CDK5RAP2: variants seen among roughly 807,000 people sequenced by gnomAD.
CDK5RAP2 encodes CDK5 regulatory subunit associated protein 2.
In CDK5RAP2, 147 loss-of-function variants were observed where a neutral mutation model predicts 232.9. The observed-to-expected ratio is 0.63, with a 90% CI of 0.55 to 0.72. The LOEUF is 0.72. Among genes scored for constraint, CDK5RAP2 ranks in the 30% least tolerant of loss-of-function variants. The probability of loss-of-function intolerance (pLI) is 0.00; values close to 1 mark genes in which losing one functional copy is unlikely to be tolerated. For synonymous variants in CDK5RAP2, 833 were observed against 833.7 expected, an observed-to-expected ratio of 1.00 and a Z score of 0.01; for missense variants, 2,195 against 2,231.5, an observed-to-expected ratio of 0.98 and a Z score of 0.33.
At chr9:120,529,515 T>C (rs2041052522) in intron 8 of CDK5RAP2, among the ~76,000 whole-genome samples, 1 of 152,152 alleles carries the variant, frequency 6.6e-6, no homozygotes, top group Admixed American at 6.5e-5. Context: ...GCTGGGAGGA[T>C]TGAACGAGAT....
At position 120,466,744 on chromosome 9, in the gene CDK5RAP2, AT is replaced by A. The variant is rs541029378; in HGVS notation, c.2106+1115del. Among the ~76,000 whole-genome samples the A allele has an allele frequency of 3.3e-5, 5 of 152,322 alleles. No individual in the cohort carries two copies. The South Asian group carries it at 1.0e-3, about 32-fold the overall frequency. On this transcript the variant is annotated intron_variant, in intron 18 of 37. Transcript: ENST00000349780. Reference sequence around the variant, plus strand: ...ATGTTCCCTCTCACAAAGAAAGAAGATGGCCAGAGTGCAGCATAAATACCTT... The same window carrying A: ...ATGTTCCCTCTCACAAAGAAAGAAGAGGCCAGAGTGCAGCATAAATACCTT...
intron 12 of CDK5RAP2, among the ~76,000 whole-genome samples, chr9:120,493,714 C>T (rs1274549386): frequency 1.3e-5 from 2 of 152,074 alleles, no homozygotes; most frequent in African/African-American, 4.8e-5. Context: ...CAGCAAAATC[C>T]ATAATGTGAA....
intron 37 of CDK5RAP2, among the ~76,000 whole-genome samples, 163 bp downstream of exon 37, chr9:120,389,578 A>G (rs1407177418): frequency 6.6e-6 from 1 of 152,230 alleles, no homozygotes; most frequent in Non-Finnish European, 1.5e-5. Context: ...GCGACAGGGC[A>G]TGATAAAACA....
intron 9 of CDK5RAP2, 53 bp downstream of exon 9, chr9:120,528,690 GA>G: frequency 8.9e-7 from 1 of 1,117,424 alleles, no homozygotes; most frequent in Non-Finnish European, 1.4e-6. Context: ...AATAAAACAA[GA>G]GGCAAGAATA....
chr9:120,472,234 T>A (rs974835504), intron 15 of CDK5RAP2, among the ~76,000 whole-genome samples: 2 of 152,234 alleles, frequency 1.3e-5, no homozygotes, highest in Admixed American at 6.5e-5. Flanking sequence ...GACTATATAA[T>A]ATTAAACCAG....
intron 20 of CDK5RAP2, 66 bp from the exon 21 acceptor site, chr9:120,453,939 G>C (rs963797287): frequency 6.7e-7 from 1 of 1,498,190 alleles, no homozygotes; most frequent in Non-Finnish European, 9.3e-7. Flanking sequence ...CCCCTAGCCA[G>C]TATCCCAAGT....
intron 3 of CDK5RAP2, among the ~76,000 whole-genome samples, chr9:120,554,688 C>T (rs1049928249): frequency 2.6e-5 from 4 of 152,162 alleles, no homozygotes; most frequent in African/African-American, 9.7e-5. Flanking sequence ...GGCTGGAGTG[C>T]AATGGCGTAA....
At chr9:120,415,626 TTAAA>T (rs1229359196) in intron 27 of CDK5RAP2, among the ~76,000 whole-genome samples, 2 of 152,200 alleles carry the variant, frequency 1.3e-5, no homozygotes, top group Non-Finnish European at 2.9e-5. Flanking sequence ...AATTTAAGAC[TTAAA>T]TAAAGCAAAA....
At chr9:120,575,218 A>T (rs2042989914) in intron 1 of CDK5RAP2, among the ~76,000 whole-genome samples, 1 of 151,804 alleles carries the variant, frequency 6.6e-6, no homozygotes, top group Non-Finnish European at 1.5e-5. Flanking sequence ...CGCCCGGCTA[A>T]TTTTTTGTAC....
chr9:120,546,300 C>G (rs1199924378), intron 4 of CDK5RAP2, among the ~76,000 whole-genome samples: 1 of 152,172 alleles, frequency 6.6e-6, no homozygotes, highest in African/African-American at 2.4e-5. Context: ...TATAAGATTT[C>G]AGGGTTCTCA....
intron 11 of CDK5RAP2, among the ~76,000 whole-genome samples, chr9:120,521,266 T>C (rs114248666): frequency 1.1e-3 from 173 of 152,300 alleles, no homozygotes; most frequent in African/African-American, 4.0e-3. Flanking sequence ...ATTTAAACCT[T>C]GGGTGATTAT....
chr9:120,545,387 T>C (rs1446969955), intron 5 of CDK5RAP2, among the ~76,000 whole-genome samples: 3 of 152,226 alleles, frequency 2.0e-5, no homozygotes, highest in Non-Finnish European at 4.4e-5. Flanking sequence ...ATGGTAGTTA[T>C]CTTTAGGGGA....
At position 120,440,187 on chromosome 9, in the gene CDK5RAP2, C is replaced by T. The variant is rs2035818342; in HGVS notation, c.3149-215G>A. On this transcript the variant is annotated intron_variant, in intron 23 of 37. Coordinates refer to ENST00000349780, the MANE Select transcript of CDK5RAP2 (RefSeq NM_018249.6). ...AGCCCTAGTCTTTCCCTCTTTACCC[C>T]TCAGTTGTCCTCTTCCTCAGAGTGA... The T allele has an allele frequency of 1.5e-5, 9 of 590,660 alleles. No homozygotes were observed. In the South Asian group the frequency reaches 1.6e-4, roughly 11 times the overall value. The allele number at this position is 590,660 out of a possible 1,614,324, so 36.6% of individuals were successfully genotyped here.
Position 120,491,346 on chromosome 9 carries a change from A to G in CDK5RAP2, c.1443T>C (p.His481=). 1 of 1,613,660 alleles carries G rather than the reference A, an allele frequency of 6.2e-7. No individual in the cohort carries two copies. The highest frequency in any genetic ancestry group is 1.1e-5 in the South Asian group (1 of 91,026). The change falls in exon 13 of 38, where the codon CAT becomes CAC. Residue 481 remains histidine, a synonymous_variant. Transcript: ENST00000349780. ...CCTTCTGATTGGTACTTTCTGTTAG[A>G]TGTTTGATCACTTGCTCTTGATTGT... ...KLHNQEQVIK[H]LTESTNQKDV...
rs1361571395 is a variant in CDK5RAP2, at chr9:120,389,078, C to T, written c.*158G>A. 2 of 711,738 alleles carry T rather than the reference C, an allele frequency of 2.8e-6. No homozygotes were observed. The highest frequency in any genetic ancestry group is 1.8e-5 in the African/African-American group (1 of 55,988). The allele number at this position is 711,738 out of a possible 1,614,324, so 44.1% of individuals were successfully genotyped here. ...CACCTGCACCTTTCTGACAACAACT[C>T]TCAAGCCAACTTTCAGAGAGAAAAC... On this transcript the variant is annotated 3_prime_UTR_variant, in exon 38 of 38. Transcript: ENST00000349780.
rs1343346549 is a variant in CDK5RAP2 at position 120,437,270 on chromosome 9, G to A, written c.3955+25C>T. The stretch of plus-strand genomic sequence containing the variant: ...CCTGGGTCAATTACTGATGTCTTAA[G>A]ACTCGCGTACCTCACCCTACCTACC... On this transcript the variant is annotated intron_variant, in intron 25 of 37. Coordinates refer to ENST00000349780, the MANE Select transcript of CDK5RAP2 (RefSeq NM_018249.6). 3.3e-6 allele frequency: 5 copies of A among 1,533,718 alleles called. No homozygotes were observed. The African/African-American group carries it at 5.5e-5, about 17-fold the overall frequency.
intron 18 of CDK5RAP2, among the ~76,000 whole-genome samples, chr9:120,463,180 G>A (rs1390510480): frequency 6.6e-5 from 10 of 152,104 alleles, no homozygotes; most frequent in Admixed American, 5.2e-4. Flanking sequence ...GACCATCCTG[G>A]CTAACATGGT....
At chr9:120,539,979 A>T (rs1345879374) in intron 5 of CDK5RAP2, among the ~76,000 whole-genome samples, 2 of 152,240 alleles carry the variant, frequency 1.3e-5, no homozygotes, top group Non-Finnish European at 2.9e-5. Flanking sequence ...AAGCATTTTA[A>T]ATGCATCAGG....
In CDK5RAP2 at chr9:120,439,771, T is replaced by C. The variant is rs2035790662; in HGVS notation, c.3350A>G (p.His1117Arg). 1 of 1,614,186 alleles carries C rather than the reference T, an allele frequency of 6.2e-7. No homozygotes were observed. The highest frequency in any genetic ancestry group is 1.1e-5 in the South Asian group (1 of 91,084). The change falls in exon 24 of 38, where the codon CAT becomes CGT. Residue 1117 changes from histidine (H) to arginine (R), a missense_variant. Transcript: ENST00000349780. ...GCCTTCCAGCTCAGTTTCCAAGTCA[T>C]GGATTTTCTGTTTTAAGTATTCTGT... ...NETEYLKQKI[H>R]DLETELEGYQ... is the part of the protein sequence containing the mutation.
Sources: gnomAD v4.1 joint callset for allele counts (sites outside exome capture counted in the v4.1 genomes callset) on GRCh38, gnomAD v4.1.1 for gene constraint, MANE v1.5 for transcripts, NCBI Gene and HGNC (gene_info 2026-07-23, HGNC 2026-07-21) for gene names.